Variants in WNT2B observed in about 807,000 individuals in gnomAD.
WNT2B encodes the protein Wnt family member 2B, also known as protein Wnt-2b.
Under a neutral mutation model 40.5 loss-of-function variants are expected in WNT2B, and 19 were observed. The observed-to-expected ratio is 0.47, with a 90% confidence interval of 0.33 to 0.69. The LOEUF (loss-of-function observed/expected upper bound fraction) is 0.69. Ranked by LOEUF, WNT2B falls within the 30% of genes least tolerant of loss-of-function variation. The probability of loss-of-function intolerance (pLI) is 0.02; values close to 1 mark genes in which losing one functional copy is unlikely to be tolerated. For synonymous variants in WNT2B, 220 were observed against 211.9 expected, an observed-to-expected ratio of 1.04 and a Z score of -0.33; for missense variants, 467 against 556.4, an observed-to-expected ratio of 0.84 and a Z score of 1.62.
upstream of WNT2B, chr1:112,508,654 T>G (rs1448908085): frequency 1.0e-6 from 1 of 953,746 alleles, no homozygotes; most frequent in East Asian, 1.2e-4. This position sits in a 1 kb window ranked among gnomAD's most constrained non-coding sequence, Gnocchi z 4.2. Flanking sequence ...TCCGCCAGCC[T>G]GGCCGTCACC....
intron 1 of WNT2B, among the ~76,000 whole-genome samples, chr1:112,500,587 T>C (rs1458284282): frequency 2.0e-5 from 3 of 151,842 alleles, no homozygotes; most frequent in Admixed American, 1.3e-4. Flanking sequence ...CTGGGCAACA[T>C]AGTGAGACCC....
Position 112,517,235 on chromosome 1 carries a change from C to T in WNT2B, c.796C>T (p.Arg266Trp), listed in dbSNP as rs1180086727. Residue 266 changes from arginine (R) to tryptophan (W), a missense_variant, in exon 4 of 5, where the codon CGG (arginine) becomes TGG (tryptophan). Physicochemically the swap from Arg to Trp is moderately radical, Grantham distance 101 (BLOSUM62 -3). Coordinates refer to ENST00000369684, the MANE Select transcript of WNT2B (RefSeq NM_024494.3). ...SDFRRTGDYL[R>W]RRYDGAVQVM... The stretch of plus-strand genomic sequence containing the variant: ...TTTCCGCCGCACAGGTGATTACCTG[C>T]GGCGACGCTATGATGGGGCTGTGCA... The T allele has an allele frequency of 6.2e-6, 10 of 1,614,168 alleles. No homozygotes were observed. The highest frequency in any genetic ancestry group is 1.1e-5 in the South Asian group (1 of 91,082).
rs1652963047 is a variant in WNT2B, at chr1:112,523,022, T to C, written c.*2513T>C. 6.6e-6 allele frequency: 1 copy of C among 152,244 alleles called. No individual in the cohort carries two copies. Among genetic ancestry groups the C allele is most frequent in the African/African-American group, 2.4e-5 (1 of 41,452 alleles). 9.4% of individuals were successfully genotyped at this position (152,244 alleles called of 1,614,324 possible). On this transcript the variant is annotated 3_prime_UTR_variant, in exon 5 of 5. Coordinates refer to ENST00000369684, the MANE Select transcript of WNT2B (RefSeq NM_024494.3). The stretch of plus-strand genomic sequence containing the variant: ...TTTACCAAAGGAAGCTGCCTTATAT[T>C]ATATGCCAGGCTGCTGGGGAAAGCC...
Position 112,509,279 on chromosome 1 carries a change from G to A in WNT2B, c.17G>A (p.Gly6Asp). ...CGGGGAGCTATGCTGAGACCGGGTGGTGCGGAGGAAGCTGCGCAGCTCCCG... is the reference window on the plus strand; with the variant it reads ...CGGGGAGCTATGCTGAGACCGGGTGATGCGGAGGAAGCTGCGCAGCTCCCG... Reference protein sequence around the residue: MLRPGGAEEAAQLPLR... With the variant: MLRPGDAEEAAQLPLR... Residue 6 changes from glycine (G) to aspartate (D), a missense_variant, in exon 1 of 5, where the codon GGT (glycine) becomes GAT (aspartate). Transcript: ENST00000369684. This position sits in a 1 kb window ranked among gnomAD's most constrained non-coding sequence, Gnocchi z 4.2. The A allele has an allele frequency of 6.5e-7, 1 of 1,536,852 alleles. No homozygotes were observed. Among genetic ancestry groups the A allele is most frequent in the Non-Finnish European group, 8.7e-7 (1 of 1,146,874 alleles).
chr1:112,493,119 A>T (rs753503572), intron 1 of WNT2B, among the ~76,000 whole-genome samples: 3 of 152,230 alleles, frequency 2.0e-5, no homozygotes, highest in Non-Finnish European at 4.4e-5. Flanking sequence ...ACTGTGATCA[A>T]TATGTTAAGA....
At chr1:112,510,991 T>C (rs983082120) in intron 1 of WNT2B, among the ~76,000 whole-genome samples, 1 of 152,178 alleles carries the variant, frequency 6.6e-6, no homozygotes, top group Non-Finnish European at 1.5e-5. Flanking sequence ...GTTTGCTTTT[T>C]GGGACTCTTG....
chr1:112,476,016 T>C (rs541380413), intron 1 of WNT2B, among the ~76,000 whole-genome samples: 1 of 152,278 alleles, frequency 6.6e-6, no homozygotes, highest in African/African-American at 2.4e-5. Context: ...AATGCACACA[T>C]AGAACATTTA....
chr1:112,502,617 C>T (rs1467216211), intron 1 of WNT2B, among the ~76,000 whole-genome samples: 1 of 152,182 alleles, frequency 6.6e-6, no homozygotes, highest in Non-Finnish European at 1.5e-5. Flanking sequence ...CTCCCCCGAC[C>T]CTGCGTGTCC....
At chr1:112,496,453 C>T (rs1295430530) in intron 1 of WNT2B, among the ~76,000 whole-genome samples, 1 of 152,202 alleles carries the variant, frequency 6.6e-6, no homozygotes, top group African/African-American at 2.4e-5. Context: ...GGTCCACAGT[C>T]TCATCTAAAT....
chr1:112,508,482 G>A (rs1652200272), upstream of WNT2B, among the ~76,000 whole-genome samples: 1 of 152,036 alleles, frequency 6.6e-6, no homozygotes, highest in Admixed American at 6.5e-5. This position sits in a 1 kb window ranked among gnomAD's most constrained non-coding sequence, Gnocchi z 4.2. Context: ...GCTCCTGTAG[G>A]CAGTGTTGAA....
rs1338549973 is a variant in WNT2B, at chr1:112,520,478, C to T, written c.1145C>T (p.Pro382Leu). 6.2e-7 allele frequency: 1 copy of T among 1,613,996 alleles called. No individual in the cohort carries two copies. Among genetic ancestry groups the T allele is most frequent in the East Asian group, 2.2e-5 (1 of 44,888 alleles). ...GTGGACGTCCATACTTGCAAAGCCCCCAAGAAGGCAGAGTGGCTGGACCAA... is the reference window on the plus strand; with the variant it reads ...GTGGACGTCCATACTTGCAAAGCCCTCAAGAAGGCAGAGTGGCTGGACCAA... ...NTVDVHTCKA[P>L]KKAEWLDQT Residue 382 changes from proline to leucine, a missense_variant, in exon 5 of 5, where the codon CCC (proline) becomes CTC (leucine). Around this residue, in one of 2 missense-constraint regions of WNT2B, gnomAD observed 330 missense variants for 438.6 expected, o/e 0.75. Coordinates refer to ENST00000369684, the MANE Select transcript of WNT2B (RefSeq NM_024494.3).
At chr1:112,475,791 A>G (rs1401965044) in intron 1 of WNT2B, among the ~76,000 whole-genome samples, 1 of 152,194 alleles carries the variant, frequency 6.6e-6, no homozygotes, top group Non-Finnish European at 1.5e-5. Flanking sequence ...TAGAAAAATA[A>G]CATTATTGAT....
intron 1 of WNT2B, among the ~76,000 whole-genome samples, chr1:112,491,750 G>A (rs905238388): frequency 2.0e-5 from 3 of 152,084 alleles, no homozygotes. Flanking sequence ...AATTAGCTAG[G>A]TATGGAGGCC....
intron 1 of WNT2B, among the ~76,000 whole-genome samples, chr1:112,485,171 C>A (rs910844053): frequency 6.6e-6 from 1 of 152,146 alleles, no homozygotes; most frequent in Admixed American, 6.5e-5. Context: ...AAGTTATAGT[C>A]GTCAGGCCTG....
Position 112,526,037 on chromosome 1 carries a change from T to G in WNT2B, c.*5528T>G, listed in dbSNP as rs1256350353. 4 of 1,614,184 alleles carry G rather than the reference T, an allele frequency of 2.5e-6. No homozygotes were observed. ...CTCAGCCAGAACTCAAACCTAGGTC[T>G]TCTGACTTCAAATCCTGTGTATTCT... On this transcript the variant is annotated 3_prime_UTR_variant, in exon 5 of 5. Coordinates refer to ENST00000369684, the MANE Select transcript of WNT2B (RefSeq NM_024494.3).
At chr1:112,494,047 T>C (rs1189351677) in intron 1 of WNT2B, among the ~76,000 whole-genome samples, 2 of 151,938 alleles carry the variant, frequency 1.3e-5, no homozygotes, top group Non-Finnish European at 2.9e-5. Context: ...CGGTGGCTCA[T>C]GCCTGTAATC....
intron 1 of WNT2B, among the ~76,000 whole-genome samples, chr1:112,474,077 AAAAAAG>A (rs1441996259): frequency 1.6e-5 from 2 of 124,894 alleles, no homozygotes; most frequent in African/African-American, 5.6e-5. Context: ...AAAAAAAAAA[AAAAAAG>A]AAAGAAAAAG....
At chr1:112,503,411 G>C (rs1402150429) in intron 1 of WNT2B, among the ~76,000 whole-genome samples, 1 of 152,182 alleles carries the variant, frequency 6.6e-6, no homozygotes, top group Non-Finnish European at 1.5e-5. Context: ...TACTGGTCCA[G>C]TGCTCCCTGC....
chr1:112,472,236 G>A (rs2101048446), intron 1 of WNT2B, among the ~76,000 whole-genome samples: 1 of 152,330 alleles, frequency 6.6e-6, no homozygotes. Context: ...TCTTGGGAGG[G>A]AAGAGTATTG....
Sources: gnomAD v4.1 joint callset for allele counts (sites outside exome capture counted in the v4.1 genomes callset) on GRCh38, gnomAD v4.1.1 for gene constraint, gnomAD v4.1.1 regional missense constraint, Gnocchi (gnomAD v3.1) non-coding constraint, MANE v1.5 for transcripts, NCBI Gene and HGNC (gene_info 2026-07-23, HGNC 2026-07-21) for gene names.